Variants in INPP4B observed in about 807,000 individuals in gnomAD.
INPP4B encodes the protein inositol polyphosphate-4-phosphatase type II B.
In INPP4B, 55 loss-of-function variants were observed where a neutral mutation model predicts 122.5. The observed-to-expected ratio is 0.45, with a 90% CI of 0.36 to 0.56. The LOEUF is 0.56. Among genes scored for constraint, INPP4B ranks in the 20% least tolerant of loss-of-function variants. The pLI, the probability that INPP4B is intolerant of heterozygous loss-of-function variation, is 0.00. For missense variants in INPP4B, 1,000 were observed against 1,097.7 expected, an observed-to-expected ratio of 0.91 and a Z score of 1.26; for synonymous variants, 403 against 388.7, an observed-to-expected ratio of 1.04 and a Z score of -0.43.
chr4:142,164,657 T>A (rs1401865116), intron 16 of INPP4B, among the ~76,000 whole-genome samples: 2 of 151,838 alleles, frequency 1.3e-5, no homozygotes, highest in Non-Finnish European at 2.9e-5. Flanking sequence ...AAAATTACAG[T>A]GCCTACCTCT....
intron 3 of INPP4B, among the ~76,000 whole-genome samples, chr4:142,457,599 C>T (rs1815731397): frequency 6.6e-6 from 1 of 152,182 alleles, no homozygotes; most frequent in Non-Finnish European, 1.5e-5. Context: ...ACTATCACTA[C>T]ATACATATTA....
At chr4:142,682,140 G>A (rs571448329) in intron 2 of INPP4B, among the ~76,000 whole-genome samples, 318 of 151,896 alleles carry the variant, frequency 2.1e-3, no homozygotes, top group African/African-American at 7.0e-3. Context: ...TAATGATGTG[G>A]AAAAATGATT....
At position 142,028,696 on chromosome 4, in the gene INPP4B, A is replaced by G; in HGVS notation, c.*86T>C. ...TCATCTCCCCCACCACAAATTCATGACAATAAAAACAAACAAAAAAGACCA... is the reference window on the plus strand; with the variant it reads ...TCATCTCCCCCACCACAAATTCATGGCAATAAAAACAAACAAAAAAGACCA... On this transcript the variant is annotated 3_prime_UTR_variant, in exon 26 of 26. Transcript: ENST00000262992. The G allele has an allele frequency of 3.6e-6, 5 of 1,402,090 alleles. No homozygotes were observed. The highest frequency in any genetic ancestry group is 3.9e-6 in the Non-Finnish European group (4 of 1,030,096). 86.9% of individuals were successfully genotyped at this position (1,402,090 alleles called of 1,614,324 possible).
chr4:142,326,830 C>G (rs895109049), intron 7 of INPP4B, among the ~76,000 whole-genome samples: 1 of 152,126 alleles, frequency 6.6e-6, no homozygotes, highest in Non-Finnish European at 1.5e-5. Context: ...TGTATTATTT[C>G]ATTGTAGTTC....
Position 142,498,226 on chromosome 4 carries a change from C to CA in INPP4B, c.-190-35501_-190-35500insT, listed in dbSNP as rs1378036927. Reference sequence around the variant, plus strand: ...GTGTATATATATATATACACATATACTTACATATAAACTTTTCTTGGGAGA... The same window carrying CA: ...GTGTATATATATATATACACATATACATTACATATAAACTTTTCTTGGGAGA... On this transcript the variant is annotated intron_variant, in intron 2 of 25. Coordinates refer to ENST00000262992, the MANE Select transcript of INPP4B (RefSeq NM_001101669.3). Among the ~76,000 whole-genome samples the CA allele has an allele frequency of 6.6e-3, 997 of 150,660 alleles. 14 individuals carry two copies. Among genetic ancestry groups the CA allele is most frequent in the African/African-American group, 0.023 (946 of 40,950 alleles).
chr4:142,524,057 T>C (rs969414574), intron 2 of INPP4B, among the ~76,000 whole-genome samples: 2 of 151,282 alleles, frequency 1.3e-5, no homozygotes, highest in Admixed American at 6.6e-5. Flanking sequence ...CAGTCTATCA[T>C]TGTTGGACAT....
At chr4:142,079,669 A>C (rs1035212162) in intron 25 of INPP4B, among the ~76,000 whole-genome samples, 2 of 152,080 alleles carry the variant, frequency 1.3e-5, no homozygotes, top group African/African-American at 2.4e-5. Context: ...CATTAGCATC[A>C]AAAATGTTTA....
chr4:142,596,636 TAAGA>T (rs1580459057), intron 2 of INPP4B, among the ~76,000 whole-genome samples: 1 of 152,288 alleles, frequency 6.6e-6, no homozygotes, highest in East Asian at 1.9e-4. Context: ...AGAAAAAAGG[TAAGA>T]AAGAGAACTT....
chr4:142,729,777 G>A, intron 1 of INPP4B, among the ~76,000 whole-genome samples: 1 of 152,110 alleles, frequency 6.6e-6, no homozygotes, highest in Non-Finnish European at 1.5e-5. Context: ...TCAGTTGCTG[G>A]GAAGCCTTAA....
At chr4:142,561,699 G>A (rs1963849) in intron 2 of INPP4B, among the ~76,000 whole-genome samples, 47,334 of 152,002 alleles carry the variant, frequency 0.31, 8,540 homozygotes, top group East Asian at 0.79. Flanking sequence ...GATTACAGGC[G>A]TGAGCCACCA....
chr4:142,047,551 A>G (rs925432713), intron 25 of INPP4B, among the ~76,000 whole-genome samples: 1 of 152,042 alleles, frequency 6.6e-6, no homozygotes, highest in African/African-American at 2.4e-5. Flanking sequence ...AGAAGGACCG[A>G]GATCTCATTA....
intron 2 of INPP4B, among the ~76,000 whole-genome samples, chr4:142,555,471 A>G (rs1728943209): frequency 6.6e-6 from 1 of 152,194 alleles, no homozygotes; most frequent in Non-Finnish European, 1.5e-5. Context: ...TCATGTATTT[A>G]TTAGACACTG....
chr4:142,335,619 T>C (rs1190034266), intron 7 of INPP4B, among the ~76,000 whole-genome samples: 1 of 152,190 alleles, frequency 6.6e-6, no homozygotes, highest in Non-Finnish European at 1.5e-5. Flanking sequence ...AAATGCAATC[T>C]GAAATTTAAA....
intron 18 of INPP4B, among the ~76,000 whole-genome samples, chr4:142,126,776 C>A (rs1798803189): frequency 6.7e-6 from 1 of 148,560 alleles, no homozygotes; most frequent in African/African-American, 2.5e-5. Flanking sequence ...TAGAGGTACA[C>A]TGAACTTTTT....
chr4:142,060,379 C>A (rs896490636), intron 25 of INPP4B, among the ~76,000 whole-genome samples: 2 of 152,170 alleles, frequency 1.3e-5, no homozygotes, highest in Non-Finnish European at 2.9e-5. Context: ...GTATCAAGTA[C>A]CCCAGAAAAA....
chr4:142,431,443 A>T, intron 3 of INPP4B, 58 bp from the exon 4 acceptor site: 2 of 589,784 alleles, frequency 3.4e-6, no homozygotes, highest in East Asian at 5.6e-5. Flanking sequence ...TAAAGCTAAA[A>T]AGTAAAGGTA....
At chr4:142,527,275 T>C (rs564816820) in intron 2 of INPP4B, among the ~76,000 whole-genome samples, 1 of 151,964 alleles carries the variant, frequency 6.6e-6, no homozygotes, top group East Asian at 1.9e-4. Flanking sequence ...TATTTGTAAG[T>C]ATATTTAAAT....
intron 7 of INPP4B, among the ~76,000 whole-genome samples, chr4:142,319,061 T>C (rs942925629): frequency 3.9e-5 from 6 of 152,084 alleles, no homozygotes; most frequent in Non-Finnish European, 7.4e-5. Flanking sequence ...AATCAGGCAA[T>C]GGGGCTGCCT....
chr4:142,036,245 G>A (rs917333062), intron 25 of INPP4B, among the ~76,000 whole-genome samples: 3 of 149,544 alleles, frequency 2.0e-5, no homozygotes, highest in Non-Finnish European at 4.4e-5. Context: ...TTAAGGTGAA[G>A]GTTATCTGCA....
Sources: allele counts gnomAD v4.1 joint callset (sites outside exome capture counted in the v4.1 genomes callset), GRCh38; gene constraint gnomAD v4.1.1; transcripts MANE v1.5; gene names NCBI Gene and HGNC (gene_info 2026-07-23, HGNC 2026-07-21).